ALDH1A2: variants seen among roughly 807,000 people sequenced by gnomAD.
The protein encoded by ALDH1A2 is aldehyde dehydrogenase 1 family member A2, also known as retinal dehydrogenase 2.
Under a neutral mutation model 60.3 loss-of-function variants are expected in ALDH1A2, and 27 were observed. That is an observed-to-expected ratio of 0.45 (90% CI 0.33 to 0.62). The LOEUF is 0.62. ALDH1A2 is among the 20% of genes least tolerant of loss of function. ALDH1A2 has a pLI of 0.02. For synonymous variants in ALDH1A2, 289 were observed against 232.4 expected (o/e 1.24, Z -2.21); for missense variants, 581 against 643.8 (o/e 0.90, Z 1.06).
At chr15:58,012,720 G>T (rs1895669629) in intron 3 of ALDH1A2, among the ~76,000 whole-genome samples, 1 of 152,120 alleles carries the variant, frequency 6.6e-6, no homozygotes, top group African/African-American at 2.4e-5. Context: ...GAATCATTTT[G>T]TTCCCATACT....
intron 5 of ALDH1A2, among the ~76,000 whole-genome samples, chr15:57,993,546 T>C (rs953080727): frequency 2.0e-5 from 3 of 152,202 alleles, no homozygotes; most frequent in African/African-American, 7.2e-5. Context: ...TAGTACTTTT[T>C]CTTTAGATAC....
At chr15:58,024,571 A>G (rs533671080) in intron 1 of ALDH1A2, among the ~76,000 whole-genome samples, 1 of 152,312 alleles carries the variant, frequency 6.6e-6, no homozygotes, top group Non-Finnish European at 1.5e-5. Flanking sequence ...TAGAGCAAAT[A>G]TTACTAGATC....
At chr15:58,023,630 G>A (rs1374948559) in intron 1 of ALDH1A2, among the ~76,000 whole-genome samples, 2 of 139,088 alleles carry the variant, frequency 1.4e-5, no homozygotes, top group South Asian at 2.2e-4. Flanking sequence ...GGCCAGAAGA[G>A]AATGAGATGG....
intron 12 of ALDH1A2, among the ~76,000 whole-genome samples, chr15:57,958,270 C>T (rs1893605291): frequency 1.3e-5 from 2 of 151,982 alleles, no homozygotes; most frequent in Admixed American, 1.3e-4. Flanking sequence ...CAATGCTTCT[C>T]ATTTTCAAAG....
chr15:57,956,847 C>T (rs541235735), intron 12 of ALDH1A2, among the ~76,000 whole-genome samples: 1 of 152,316 alleles, frequency 6.6e-6, no homozygotes, highest in Non-Finnish European at 1.5e-5. Flanking sequence ...AGCCACACTT[C>T]ACCCCCATGT....
chr15:57,998,578 C>A (rs1411705570), intron 4 of ALDH1A2, among the ~76,000 whole-genome samples: 1 of 152,064 alleles, frequency 6.6e-6, no homozygotes, highest in Non-Finnish European at 1.5e-5. Flanking sequence ...GAAAAACATT[C>A]CATGCTCATG....
chr15:58,058,203 A>G (rs1361204184), intron 1 of ALDH1A2: 1 of 740,152 alleles, frequency 1.4e-6, no homozygotes, highest in Non-Finnish European at 2.2e-6. Flanking sequence ...CCTCCTTCCC[A>G]CCTGAAATCG....
intron 1 of ALDH1A2, among the ~76,000 whole-genome samples, chr15:58,037,170 GCCCC>G (rs770145564): frequency 6.6e-6 from 1 of 151,532 alleles, no homozygotes; most frequent in Non-Finnish European, 1.5e-5. Flanking sequence ...AAGCAGCAAG[GCCCC>G]CAAATCACAA....
intron 1 of ALDH1A2, among the ~76,000 whole-genome samples, chr15:58,033,998 A>G (rs901435672): frequency 2.0e-5 from 3 of 151,426 alleles, no homozygotes; most frequent in Admixed American, 1.3e-4. Context: ...TATAAACTTT[A>G]TAATTAGTTT....
intron 3 of ALDH1A2, 65 bp downstream of exon 3, chr15:58,013,793 G>T: frequency 1.9e-6 from 3 of 1,588,354 alleles, no homozygotes; most frequent in Non-Finnish European, 2.6e-6. Context: ...TACAGCCGAA[G>T]AATGTAAATT....
At chr15:58,058,029 G>T (rs1360980210) in intron 1 of ALDH1A2, 4 of 1,514,228 alleles carry the variant, frequency 2.6e-6, no homozygotes. Context: ...AGTTTTATTG[G>T]GGATTTTAAC....
chr15:57,966,892 T>G (rs1187604792), intron 7 of ALDH1A2, among the ~76,000 whole-genome samples: 2 of 152,226 alleles, frequency 1.3e-5, no homozygotes, highest in Non-Finnish European at 2.9e-5. Context: ...TACAACAGGA[T>G]GCGACTCCAC....
intron 1 of ALDH1A2, among the ~76,000 whole-genome samples, chr15:58,044,843 A>G (rs897396168): frequency 6.6e-6 from 1 of 152,002 alleles, no homozygotes; most frequent in Admixed American, 6.6e-5. Flanking sequence ...CAGAGGGAAA[A>G]GGGAATGGCC....
intron 12 of ALDH1A2, among the ~76,000 whole-genome samples, chr15:57,957,101 A>G (rs1893553084): frequency 6.6e-6 from 1 of 152,160 alleles, no homozygotes; most frequent in African/African-American, 2.4e-5. Context: ...GAAAGCCAGT[A>G]AGCAGTCTTA....
intron 3 of ALDH1A2, among the ~76,000 whole-genome samples, chr15:58,013,241 A>G (rs1318336341): frequency 2.0e-5 from 3 of 152,152 alleles, no homozygotes; most frequent in African/African-American, 7.2e-5. Flanking sequence ...GGAGGTAAAA[A>G]CTTGTTCTAT....
chr15:57,989,430 G>C (rs1005239881), intron 7 of ALDH1A2, among the ~76,000 whole-genome samples: 1 of 152,144 alleles, frequency 6.6e-6, no homozygotes, highest in Non-Finnish European at 1.5e-5. Flanking sequence ...TAGAAAATCG[G>C]TTTGAAATTT....
At chr15:57,981,897 C>T (rs1441816) in intron 7 of ALDH1A2, among the ~76,000 whole-genome samples, 143,490 of 152,282 alleles carry the variant, frequency 0.94, 67,777 homozygotes, top group East Asian at 1. Context: ...AAAGGAAATT[C>T]ATTTCTTACA....
chr15:58,042,507 A>G (rs1200171007), intron 1 of ALDH1A2, among the ~76,000 whole-genome samples: 2 of 151,988 alleles, frequency 1.3e-5, no homozygotes, highest in East Asian at 3.9e-4. Flanking sequence ...TTAAAAACGT[A>G]CATTGTTTCT....
intron 7 of ALDH1A2, among the ~76,000 whole-genome samples, chr15:57,971,781 G>C (rs1894074433): frequency 6.6e-6 from 1 of 152,212 alleles, no homozygotes; most frequent in Non-Finnish European, 1.5e-5. Flanking sequence ...CTTGAGAGCA[G>C]TGGTGTGATC....
Sources: allele counts gnomAD v4.1 joint callset (sites outside exome capture counted in the v4.1 genomes callset), GRCh38; gene constraint gnomAD v4.1.1; transcripts MANE v1.5; gene names NCBI Gene and HGNC (gene_info 2026-07-23, HGNC 2026-07-21).